Variants in SAE1 observed in about 807,000 individuals in gnomAD.
SAE1 encodes the protein SUMO1 activating enzyme subunit 1, also known as SUMO-activating enzyme subunit 1.
Under a neutral mutation model 40.6 loss-of-function variants are expected in SAE1, and 11 were observed. That is an observed-to-expected ratio of 0.27 (90% CI 0.17 to 0.45). The LOEUF (loss-of-function observed/expected upper bound fraction) is 0.45, where lower values mean the gene tolerates loss of function less well. Ranked by LOEUF, SAE1 falls within the 20% of genes least tolerant of loss-of-function variation. SAE1 has a pLI of 1.00. For synonymous variants in SAE1, 155 were observed against 154.3 expected (o/e 1.00, Z -0.03); for missense variants, 373 against 427.3 (o/e 0.87, Z 1.12).
At chr19:47,153,915 C>T (rs1437813464) in intron 4 of SAE1, among the ~76,000 whole-genome samples, 5 of 151,970 alleles carry the variant, frequency 3.3e-5, no homozygotes, top group South Asian at 2.1e-4. Flanking sequence ...CCTCAGCCTC[C>T]GGAGTAGCTG....
At chr19:47,184,139 TG>T (rs767241315) in intron 6 of SAE1, among the ~76,000 whole-genome samples, 8 of 152,204 alleles carry the variant, frequency 5.3e-5, no homozygotes, top group Non-Finnish European at 1.2e-4. Flanking sequence ...AATATTGGGC[TG>T]GGGCTAGTCT....
At chr19:47,140,327 C>T (rs533757015) in intron 1 of SAE1, among the ~76,000 whole-genome samples, 7 of 151,962 alleles carry the variant, frequency 4.6e-5, no homozygotes, top group South Asian at 2.1e-4. Flanking sequence ...AGGATGGTCT[C>T]GGTCTTCTGA....
At chr19:47,169,705 A>G (rs967305859) in intron 5 of SAE1, 113 bp from the exon 6 acceptor site, 29 of 745,254 alleles carry the variant, frequency 3.9e-5, no homozygotes, top group Non-Finnish European at 6.6e-5. Context: ...TGCTTCTTTT[A>G]ATGGTCAGTA....
chr19:47,156,654 G>T (rs1254503591), intron 5 of SAE1, among the ~76,000 whole-genome samples: 1 of 151,516 alleles, frequency 6.6e-6, no homozygotes. Flanking sequence ...AAGTAGCTGG[G>T]ACTACAGGTG....
chr19:47,139,936 C>CT (rs34575308), intron 1 of SAE1, among the ~76,000 whole-genome samples: 1,222 of 111,532 alleles, frequency 0.011, 38 homozygotes, highest in Admixed American at 0.046. Flanking sequence ...TTGGGTATTT[C>CT]TTTTTTTTTT....
intron 5 of SAE1, among the ~76,000 whole-genome samples, chr19:47,163,455 C>T (rs1446285313): frequency 6.6e-6 from 1 of 152,108 alleles, no homozygotes; most frequent in Admixed American, 6.6e-5. Flanking sequence ...AGGCCAGGCG[C>T]AGTGCCTCAC....
chr19:47,203,709 T>C lies in SAE1; in HGVS notation c.917T>C (p.Val306Ala). The C allele has an allele frequency of 6.2e-7, 1 of 1,614,092 alleles. No homozygotes were observed. Among genetic ancestry groups the C allele is most frequent in the Non-Finnish European group, 8.5e-7 (1 of 1,179,996 alleles). Residue 306 changes from valine to alanine, a missense_variant, in exon 8 of 9, where the codon GTT becomes GCT. Val to Ala is a moderately conservative substitution (Grantham distance 64, BLOSUM62 0). Coordinates refer to ENST00000270225, the MANE Select transcript of SAE1 (RefSeq NM_005500.3). ...GAGATGGCCCCAGTGTGTGCGGTGG[T>C]TGGAGGGATTTTGGCACAGGAAATT... ...FSEMAPVCAV[V>A]GGILAQEIVK...
intron 5 of SAE1, among the ~76,000 whole-genome samples, chr19:47,168,937 A>C (rs2058413624): frequency 6.6e-6 from 1 of 152,152 alleles, no homozygotes; most frequent in African/African-American, 2.4e-5. Flanking sequence ...AATATATGTC[A>C]TTGCATTTAT....
chr19:47,198,406 G>A (rs1434319296), intron 7 of SAE1, among the ~76,000 whole-genome samples: 5 of 151,816 alleles, frequency 3.3e-5, no homozygotes, highest in Admixed American at 6.6e-5. Context: ...GCCACCACGC[G>A]CTCCATCCAC....
At chr19:47,174,052 G>A (rs982588499) in intron 6 of SAE1, among the ~76,000 whole-genome samples, 1 of 151,984 alleles carries the variant, frequency 6.6e-6, no homozygotes, top group Non-Finnish European at 1.5e-5. Flanking sequence ...CCAAAGTGCT[G>A]GGATTACAGA....
intron 6 of SAE1, among the ~76,000 whole-genome samples, chr19:47,182,496 T>TGTGTGCGCGCGCGC (rs143321323): frequency 6.9e-6 from 1 of 145,938 alleles, no homozygotes; most frequent in South Asian, 2.2e-4. Flanking sequence ...TGTGTGTGTG[T>TGTGTGCGCGCGCGC]GCGCGCACGC....
At chr19:47,203,779 A>G (rs2123325047) in intron 8 of SAE1, 39 bp downstream of exon 8, 2 of 1,536,712 alleles carry the variant, frequency 1.3e-6, no homozygotes, top group Admixed American at 1.7e-5. Flanking sequence ...GTTAACCATG[A>G]CTTTGTATAT....
At chr19:47,160,347 G>T (rs1236022386) in intron 5 of SAE1, among the ~76,000 whole-genome samples, 2 of 147,480 alleles carry the variant, frequency 1.4e-5, no homozygotes, top group African/African-American at 5.0e-5. Context: ...TTAGCCTTCC[G>T]AGTAGCTGGA....
In SAE1 at chr19:47,130,885, G is replaced by T. The variant is rs925296032; in HGVS notation, c.-46G>T. 6 of 1,546,150 alleles carry T rather than the reference G, an allele frequency of 3.9e-6. No individual in the cohort carries two copies. The highest frequency in any genetic ancestry group is 1.4e-5 in the African/African-American group (1 of 72,742). On this transcript the variant is annotated 5_prime_UTR_variant, in exon 1 of 9. Transcript: ENST00000270225. The stretch of plus-strand genomic sequence containing the variant: ...TAGGTGGCGCGCGGGTCCGGCGGGC[G>T]GTTGGCTTGAGCGGGACCGGAGCTG...
At chr19:47,200,296 C>G (rs1386475118) in intron 7 of SAE1, among the ~76,000 whole-genome samples, 1 of 148,816 alleles carries the variant, frequency 6.7e-6, no homozygotes, top group Non-Finnish European at 1.5e-5. Flanking sequence ...TGCAGTGGCA[C>G]ATCATAGCTC....
chr19:47,179,792 T>A (rs1449216176), intron 6 of SAE1, among the ~76,000 whole-genome samples: 1 of 152,168 alleles, frequency 6.6e-6, no homozygotes. Context: ...CTCTGTCTCC[T>A]GGGCTGAAGT....
In SAE1 at chr19:47,176,416, A is replaced by G. The variant is rs563438925; in HGVS notation, c.733+6493A>G. On this transcript the variant is annotated intron_variant, in intron 6 of 8. Coordinates refer to ENST00000270225, the MANE Select transcript of SAE1 (RefSeq NM_005500.3). ...TGGGATGCATACCTAAGAATATCTC[A>G]CAAAGAAACCTGATTTTGTTTCACT... Among the ~76,000 whole-genome samples the G allele has an allele frequency of 3.9e-5, 6 of 152,376 alleles. No homozygotes were observed. In the East Asian group the frequency reaches 1.2e-3, roughly 29 times the overall value.
At chr19:47,197,988 C>G (rs2058626805) in intron 7 of SAE1, among the ~76,000 whole-genome samples, 1 of 152,206 alleles carries the variant, frequency 6.6e-6, no homozygotes, top group Non-Finnish European at 1.5e-5. Flanking sequence ...CACCCATGTT[C>G]CCAGCATCCT....
chr19:47,160,037 T>C (rs1439363437), intron 5 of SAE1, among the ~76,000 whole-genome samples: 2 of 152,162 alleles, frequency 1.3e-5, no homozygotes, highest in Non-Finnish European at 2.9e-5. Context: ...GTAACCTTTG[T>C]TACCAATGAA....
Sources: gnomAD v4.1 joint callset for allele counts (sites outside exome capture counted in the v4.1 genomes callset) on GRCh38, gnomAD v4.1.1 for gene constraint, MANE v1.5 for transcripts, NCBI Gene and HGNC (gene_info 2026-07-23, HGNC 2026-07-21) for gene names.